Variants in ADGRL2 observed in about 807,000 individuals in gnomAD.
ADGRL2 encodes adhesion G protein-coupled receptor L2, also known as calcium-independent alpha-latrotoxin receptor 2.
In ADGRL2, 44 loss-of-function variants were observed where a neutral mutation model predicts 157.4. The ratio of observed to expected loss-of-function variants is 0.28; its 90% CI spans 0.22 to 0.36. The LOEUF is 0.36. ADGRL2 is among the 10% of genes least tolerant of loss of function. The probability of loss-of-function intolerance (pLI) is 1.00; values close to 1 mark genes in which losing one functional copy is unlikely to be tolerated. For synonymous variants in ADGRL2, 585 were observed against 624.7 expected, an observed-to-expected ratio of 0.94 and a Z score of 0.95; for missense variants, 1,510 against 1,768.9, an observed-to-expected ratio of 0.85 and a Z score of 2.63.
intron 1 of ADGRL2, among the ~76,000 whole-genome samples, chr1:81,758,837 T>C (rs1229265991): frequency 1.3e-5 from 2 of 152,340 alleles, no homozygotes; most frequent in African/African-American, 4.8e-5. Flanking sequence ...TCCTACCATT[T>C]GTCTTAGTTT....
In ADGRL2 at chr1:81,518,465, C is replaced by CAGA. The variant is rs1359080534; in HGVS notation, c.-247-62410_-247-62408dup. Reference sequence around the variant, plus strand: ...GTGGTTACACTCAGGAGCCACTATCCAGAGAAATGGGAATTGTTGGCTATG... The same window carrying CAGA: ...GTGGTTACACTCAGGAGCCACTATCCAGAAGAGAAATGGGAATTGTTGGCTATG... On this transcript the variant is annotated intron_variant, in intron 2 of 24. Transcript: ENST00000370721. Among the ~76,000 whole-genome samples, 5 of 152,280 alleles carry CAGA rather than the reference C, an allele frequency of 3.3e-5. No homozygotes were observed. The East Asian group carries it at 5.8e-4, about 18-fold the overall frequency.
intron 2 of ADGRL2, among the ~76,000 whole-genome samples, chr1:81,523,951 G>C (rs916793500): frequency 1.3e-5 from 2 of 152,110 alleles, no homozygotes; most frequent in African/African-American, 2.4e-5. Flanking sequence ...CATAATCCCA[G>C]CTACTCAGGA....
intron 2 of ADGRL2, among the ~76,000 whole-genome samples, chr1:81,778,006 C>T (rs988165143): frequency 6.6e-6 from 1 of 151,914 alleles, no homozygotes; most frequent in Admixed American, 6.6e-5. Context: ...AATCATCAAT[C>T]AGTTATGAAC....
At chr1:81,588,803 G>A (rs1326749020) in intron 3 of ADGRL2, among the ~76,000 whole-genome samples, 2 of 152,140 alleles carry the variant, frequency 1.3e-5, no homozygotes, top group Non-Finnish European at 2.9e-5. Context: ...TGATAATCAG[G>A]TCATTTATCC....
chr1:81,552,719 T>G (rs1040330401), intron 2 of ADGRL2, among the ~76,000 whole-genome samples: 47 of 152,030 alleles, frequency 3.1e-4, no homozygotes, highest in Admixed American at 2.0e-4. Context: ...CTGTTAATTT[T>G]CACATATTGC....
intron 1 of ADGRL2, among the ~76,000 whole-genome samples, chr1:81,425,546 T>C (rs970082246): frequency 5.3e-5 from 8 of 152,238 alleles, no homozygotes; most frequent in Non-Finnish European, 1.0e-4. Context: ...CTGACACTCC[T>C]ATAACAAAAG....
intron 2 of ADGRL2, among the ~76,000 whole-genome samples, chr1:81,454,474 C>G (rs1204713914): frequency 6.6e-6 from 1 of 152,082 alleles, no homozygotes; most frequent in African/African-American, 2.4e-5. Flanking sequence ...GAAGATGGCT[C>G]CACTGGTGTC....
intron 1 of ADGRL2, among the ~76,000 whole-genome samples, chr1:81,705,030 G>A (rs1557580902): frequency 6.6e-6 from 1 of 152,104 alleles, no homozygotes; most frequent in Non-Finnish European, 1.5e-5. Context: ...ACAAAACAGT[G>A]TTGTTGTTTT....
chr1:81,514,805 G>A (rs1202614417), intron 2 of ADGRL2: 2 of 152,110 alleles, frequency 1.3e-5, no homozygotes, highest in Non-Finnish European at 2.9e-5. Context: ...TCTGCATCGG[G>A]CATTAAATTT....
At chr1:81,421,982 T>G (rs1309664874) in intron 1 of ADGRL2, among the ~76,000 whole-genome samples, 4 of 152,218 alleles carry the variant, frequency 2.6e-5, no homozygotes, top group Admixed American at 2.0e-4. Context: ...ATATAAAATT[T>G]TCTTAATAGT....
At chr1:81,496,994 A>G (rs2078744416) in intron 2 of ADGRL2, among the ~76,000 whole-genome samples, 1 of 152,084 alleles carries the variant, frequency 6.6e-6, no homozygotes, top group Non-Finnish European at 1.5e-5. Flanking sequence ...ATTTCCCTGA[A>G]ATGATCTTTC....
intron 2 of ADGRL2, among the ~76,000 whole-genome samples, chr1:81,478,311 T>C (rs1396162214): frequency 6.6e-6 from 1 of 152,196 alleles, no homozygotes; most frequent in Admixed American, 6.5e-5. Flanking sequence ...CCCAGGGCTC[T>C]AGATGATTCT....
At chr1:81,422,223 G>A (rs2077138572) in intron 1 of ADGRL2, among the ~76,000 whole-genome samples, 1 of 151,822 alleles carries the variant, frequency 6.6e-6, no homozygotes, top group Non-Finnish European at 1.5e-5. Context: ...ATTTTAAGAG[G>A]TATAAAGATG....
rs796123771 is a variant in ADGRL2, at chr1:81,773,631, C to T, written c.-101+11779C>T. Among the ~76,000 whole-genome samples, 7 of 152,100 alleles carry T rather than the reference C, an allele frequency of 4.6e-5. No individual in the cohort carries two copies. In the South Asian group the frequency reaches 1.5e-3, roughly 32 times the overall value. On this transcript the variant is annotated intron_variant, in intron 2 of 20. Coordinates refer to the ADGRL2 transcript ENST00000359929. ...CCTTCCTGGATATAATATTATTTTC[C>T]AATTACTTTCTTCTTGAGCGTTCAC...
intron 6 of ADGRL2, among the ~76,000 whole-genome samples, chr1:81,944,618 C>T (rs942888219): frequency 1.3e-5 from 2 of 151,954 alleles, no homozygotes; most frequent in Non-Finnish European, 2.9e-5. Context: ...TATAAGTCTT[C>T]TATTTGAACA....
At position 81,837,036 on chromosome 1, in the gene ADGRL2, A is replaced by G; in HGVS notation, c.52A>G (p.Ser18Gly). ...AAGTCTGTGGTTTATCATTGTAATC[A>G]GCTTCTTACCAAATACAGAAGGTAA... Reference protein sequence around the residue: ...MRSLWFIIVISFLPNTEGFSR... With the variant: ...MRSLWFIIVIGFLPNTEGFSR... Residue 18 changes from serine to glycine, a missense_variant, in exon 2 of 24, where the codon AGC becomes GGC. Physicochemically the swap from Ser to Gly is moderately conservative, Grantham distance 56. Transcript: ENST00000686636. The G allele has an allele frequency of 3.1e-6, 5 of 1,590,966 alleles. No individual in the cohort carries two copies. The highest frequency in any genetic ancestry group is 4.3e-6 in the Non-Finnish European group (5 of 1,169,808).
chr1:81,935,077 CTG>C (rs2095290340), intron 3 of ADGRL2, among the ~76,000 whole-genome samples: 1 of 151,942 alleles, frequency 6.6e-6, no homozygotes, highest in Non-Finnish European at 1.5e-5. Flanking sequence ...TATTGAGAAA[CTG>C]TAAACCTACC....
chr1:81,502,207 A>C, intron 2 of ADGRL2: 1 of 1,600,368 alleles, frequency 6.2e-7, no homozygotes, highest in African/African-American at 1.3e-5. Context: ...ATCTACTTCC[A>C]GCACCAGGGC....
chr1:81,833,378 T>G (rs1341638204), intron 1 of ADGRL2, among the ~76,000 whole-genome samples: 1 of 152,192 alleles, frequency 6.6e-6, no homozygotes, highest in African/African-American at 2.4e-5. Context: ...AGTAGTTCAC[T>G]GTCCATGAGT....
Sources: gnomAD v4.1 joint callset for allele counts (sites outside exome capture counted in the v4.1 genomes callset) on GRCh38, gnomAD v4.1.1 for gene constraint, MANE v1.5 for transcripts, NCBI Gene and HGNC (gene_info 2026-07-23, HGNC 2026-07-21) for gene names.